The following NEK6 variants were observed in gnomAD, a reference collection of about 807,000 sequenced individuals.
The protein encoded by NEK6 is serine/threonine-protein kinase Nek6.
Under a neutral mutation model 43.5 loss-of-function variants are expected in NEK6, and 27 were observed. That is an observed-to-expected ratio of 0.62 (90% CI 0.46 to 0.86). NEK6 has a LOEUF of 0.86. Ranked by LOEUF, NEK6 falls within the 40% of genes least tolerant of loss-of-function variation. The probability of loss-of-function intolerance (pLI) is 0.00; values close to 1 mark genes in which losing one functional copy is unlikely to be tolerated. For synonymous variants in NEK6, 167 were observed against 164.1 expected (o/e 1.02, Z -0.14); for missense variants, 318 against 414.4 (o/e 0.77, Z 2.02).
intron 7 of NEK6, among the ~76,000 whole-genome samples, chr9:124,336,995 CAA>C (rs61536283): frequency 5.1e-3 from 650 of 127,442 alleles, no homozygotes; most frequent in Admixed American, 6.8e-3. Flanking sequence ...GACTCTGTCT[CAA>C]AAAAAAAAAA....
chr9:124,281,884 C>A (rs577593717), intron 1 of NEK6, among the ~76,000 whole-genome samples: 1 of 152,266 alleles, frequency 6.6e-6, no homozygotes, highest in African/African-American at 2.4e-5. Context: ...TGTCTATCTT[C>A]AAAATGTGGG....
intron 2 of NEK6, among the ~76,000 whole-genome samples, chr9:124,304,744 C>T (rs1833170517): frequency 6.6e-6 from 1 of 152,096 alleles, no homozygotes; most frequent in Non-Finnish European, 1.5e-5. Context: ...TTGTTCATTT[C>T]AGGAAGCTTT....
chr9:124,300,779 G>T (rs1312861489), intron 1 of NEK6, among the ~76,000 whole-genome samples: 1 of 149,540 alleles, frequency 6.7e-6, no homozygotes, highest in Non-Finnish European at 1.5e-5. Flanking sequence ...CTCAGCTGTT[G>T]AATAAGGGCC....
chr9:124,350,509 C>G (rs1297887468), intron 9 of NEK6, among the ~76,000 whole-genome samples: 3 of 41,530 alleles, frequency 7.2e-5, no homozygotes, highest in African/African-American at 2.3e-4. Flanking sequence ...CAGACACACA[C>G]ACACACACAC....
chr9:124,288,285 G>A (rs1473575046), intron 1 of NEK6, among the ~76,000 whole-genome samples: 1 of 152,150 alleles, frequency 6.6e-6, no homozygotes, highest in Non-Finnish European at 1.5e-5. Context: ...TTGATTGATT[G>A]AGACAGAGTC....
intron 1 of NEK6, among the ~76,000 whole-genome samples, chr9:124,267,667 C>T (rs571481526): frequency 1.3e-5 from 2 of 152,304 alleles, no homozygotes; most frequent in South Asian, 4.1e-4. Context: ...GCTGGGCCGC[C>T]CCTGAGCTGG....
chr9:124,270,070 C>CG (rs1491419288), intron 1 of NEK6, among the ~76,000 whole-genome samples: 11 of 128,946 alleles, frequency 8.5e-5, no homozygotes, highest in Non-Finnish European at 1.8e-4. Context: ...TCCTTCCACG[C>CG]CCCCCCCCCA....
At chr9:124,316,036 C>A in intron 4 of NEK6, among the ~76,000 whole-genome samples, 1 of 152,244 alleles carries the variant, frequency 6.6e-6, no homozygotes, top group East Asian at 1.9e-4. Flanking sequence ...TGGTTGCCAC[C>A]TCTGCCCGCC....
intron 1 of NEK6, among the ~76,000 whole-genome samples, chr9:124,283,168 C>T (rs1831998761): frequency 1.3e-5 from 2 of 152,272 alleles, no homozygotes; most frequent in African/African-American, 4.8e-5. Flanking sequence ...ACAGTTCCAG[C>T]CCTGACCCTC....
At chr9:124,259,756 T>A (rs1297762300) in intron 1 of NEK6, among the ~76,000 whole-genome samples, 1 of 152,174 alleles carries the variant, frequency 6.6e-6, no homozygotes, top group African/African-American at 2.4e-5. Context: ...GGATTTAAAA[T>A]GGTCCCTGTG....
At chr9:124,312,356 G>T (rs970901819) in intron 2 of NEK6, among the ~76,000 whole-genome samples, 153 bp from the exon 3 acceptor site, 1 of 152,092 alleles carries the variant, frequency 6.6e-6, no homozygotes, top group African/African-American at 2.4e-5. Context: ...AAGCCCCCTG[G>T]GGGGGTGCCT....
At chr9:124,286,667 C>A (rs755296034) in intron 1 of NEK6, among the ~76,000 whole-genome samples, 13 of 152,226 alleles carry the variant, frequency 8.5e-5, no homozygotes, top group Non-Finnish European at 1.5e-4. Flanking sequence ...GGCTCCTGAG[C>A]CACTCGGGGC....
rs2118982081 is a variant in NEK6, at chr9:124,280,723, G to C, written c.-29-21213G>C. Among the ~76,000 whole-genome samples, 3 of 152,366 alleles carry C rather than the reference G, an allele frequency of 2.0e-5. No individual in the cohort carries two copies. In the South Asian group the frequency reaches 6.2e-4, roughly 32 times the overall value. ...CGGGTTTATGAGGGGACCCTGCAGA[G>C]AGCTGGGGTCCTCAGCCTTGACATT... is the stretch of plus-strand genomic sequence containing the variant. On this transcript the variant is annotated intron_variant, in intron 1 of 9. Coordinates refer to ENST00000320246, the MANE Select transcript of NEK6 (RefSeq NM_014397.6).
chr9:124,325,983 G>C (rs1019237214), intron 5 of NEK6, among the ~76,000 whole-genome samples: 1 of 152,184 alleles, frequency 6.6e-6, no homozygotes, highest in Non-Finnish European at 1.5e-5. Context: ...TGTGGAGGGG[G>C]TGTCCAGGAG....
intron 5 of NEK6, among the ~76,000 whole-genome samples, 159 bp downstream of exon 5, chr9:124,321,728 T>G (rs769169435): frequency 1.3e-5 from 2 of 152,224 alleles, no homozygotes; most frequent in Non-Finnish European, 2.9e-5. Context: ...AGGCCTCAGC[T>G]GCAGTCTGGT....
chr9:124,337,524 T>C (rs1213598149), intron 7 of NEK6, among the ~76,000 whole-genome samples: 2 of 152,250 alleles, frequency 1.3e-5, no homozygotes, highest in Non-Finnish European at 2.9e-5. Flanking sequence ...AATGTGCTGT[T>C]TTGTGCCTGG....
rs1564649263 is a variant in NEK6 at position 124,326,335 on chromosome 9, T to C, written c.411T>C (p.Phe137=). ...AGDLSQMIKY[F]KKQKRLIPER... is the part of the protein sequence containing the mutation. ...GCTTGTCTCCCCCACTGCAGTACTT[T>C]AAGAAGCAGAAGCGGCTCATCCCGG... The change falls in exon 6 of 10, where the codon TTT becomes TTC. Residue 137 remains phenylalanine (F), a synonymous_variant. Transcript: ENST00000320246. This position sits in a 1 kb window ranked among gnomAD's most constrained non-coding sequence, Gnocchi z 4.5. 2 of 1,608,354 alleles carry C rather than the reference T, an allele frequency of 1.2e-6. No homozygotes were observed. Among genetic ancestry groups the C allele is most frequent in the Non-Finnish European group, 8.5e-7 (1 of 1,178,088 alleles).
intron 8 of NEK6, 120 bp downstream of exon 8, chr9:124,339,785 G>C (rs1829499484): frequency 2.7e-6 from 2 of 739,250 alleles, no homozygotes; most frequent in African/African-American, 3.4e-5. Flanking sequence ...GTCTGCCTGA[G>C]GCATCGGTAC....
chr9:124,296,013 G>T (rs1284511565), intron 1 of NEK6, among the ~76,000 whole-genome samples: 1 of 152,264 alleles, frequency 6.6e-6, no homozygotes, highest in African/African-American at 2.4e-5. Flanking sequence ...TGTTGAAGTT[G>T]GTCCGGCCTT....
Sources: allele counts gnomAD v4.1 joint callset (sites outside exome capture counted in the v4.1 genomes callset), GRCh38; gene constraint gnomAD v4.1.1; non-coding constraint Gnocchi (gnomAD v3.1); transcripts MANE v1.5; gene names NCBI Gene and HGNC (gene_info 2026-07-23, HGNC 2026-07-21).